Variants in KIAA2012 observed in about 807,000 individuals in gnomAD.
KIAA2012 encodes uncharacterized protein KIAA2012.
KIAA2012 carries 125 observed loss-of-function variants against 150.6 expected under a neutral mutation model. That is an observed-to-expected ratio of 0.83 (90% CI 0.72 to 0.96). The LOEUF (loss-of-function observed/expected upper bound fraction) is 0.96, where lower values mean the gene tolerates loss of function less well. Ranked by LOEUF, KIAA2012 falls within the 40% of genes least tolerant of loss-of-function variation. The pLI, the probability that KIAA2012 is intolerant of heterozygous loss-of-function variation, is 0.00. For missense variants in KIAA2012, 1,219 were observed against 1,354.9 expected, an observed-to-expected ratio of 0.90 and a Z score of 1.57; for synonymous variants, 462 against 504.7, an observed-to-expected ratio of 0.92 and a Z score of 1.13.
At chr2:202,132,982 G>C (rs1690986531) in intron 12 of KIAA2012, among the ~76,000 whole-genome samples, 1 of 142,210 alleles carries the variant, frequency 7.0e-6, no homozygotes, top group Non-Finnish European at 1.5e-5. Flanking sequence ...GCAGGTGCCT[G>C]TAGTCCCAGC....
chr2:202,090,948 G>A lies in KIAA2012; in HGVS notation c.529+19G>A. On this transcript the variant is annotated intron_variant, in intron 3 of 23. Coordinates refer to ENST00000498697, the MANE Select transcript of KIAA2012 (RefSeq NM_001277372.4). ...TGCGCAGGTCAGTGGGGAAATGGGA[G>A]GGGGGCACACCCCAAACTGCCCCAC... The A allele has an allele frequency of 2.6e-6, 4 of 1,528,832 alleles. No homozygotes were observed. The highest frequency in any genetic ancestry group is 2.4e-5 in the South Asian group (2 of 82,030). The allele number at this position is 1,528,832 out of a possible 1,614,324, so 94.7% of individuals were successfully genotyped here.
intron 12 of KIAA2012, among the ~76,000 whole-genome samples, chr2:202,133,130 A>ATATATATTTTTTTTTTTTTTTTTTT (rs1279080237): frequency 1.5e-5 from 1 of 67,774 alleles, no homozygotes; most frequent in Non-Finnish European, 2.9e-5. Context: ...ATATATATAT[A>ATATATATTTTTTTTTTTTTTTTTTT]TTTTTTTTTT....
chr2:202,099,310 AT>A (rs749796598), intron 5 of KIAA2012, among the ~76,000 whole-genome samples: 192 of 152,192 alleles, frequency 1.3e-3, no homozygotes, highest in Non-Finnish European at 2.1e-3. Flanking sequence ...TTCGTAATGG[AT>A]AAAAACACCA....
intron 2 of KIAA2012, among the ~76,000 whole-genome samples, chr2:202,089,226 C>A (rs1689656783): frequency 6.6e-6 from 1 of 152,208 alleles, no homozygotes; most frequent in Non-Finnish European, 1.5e-5. Context: ...AGCCTTTGGT[C>A]TTTTTGTTAC....
At chr2:202,088,200 C>G (rs949594199) in intron 2 of KIAA2012, among the ~76,000 whole-genome samples, 1 of 151,994 alleles carries the variant, frequency 6.6e-6, no homozygotes, top group Admixed American at 6.6e-5. Flanking sequence ...ACCAATTCCC[C>G]ACAGATAACG....
chr2:202,098,805 T>TGTGC lies in KIAA2012; in HGVS notation c.829-805_829-804insCGTG, dbSNP rs1689962437. The stretch of plus-strand genomic sequence containing the variant: ...CTCTAAGGCCGTGTGTGTGTGTGTG[T>TGTGC]GTGTGTGTGTGTGTGCACGCGCGCG... On this transcript the variant is annotated intron_variant, in intron 5 of 23. Coordinates refer to ENST00000498697, the MANE Select transcript of KIAA2012 (RefSeq NM_001277372.4). Among the ~76,000 whole-genome samples, 5 of 147,198 alleles carry TGTGC rather than the reference T, an allele frequency of 3.4e-5. No homozygotes were observed. In the South Asian group the frequency reaches 1.1e-3, roughly 32 times the overall value.
intron 11 of KIAA2012, 143 bp downstream of exon 11, chr2:202,113,589 A>T: frequency 3.3e-6 from 2 of 608,030 alleles, no homozygotes; most frequent in Non-Finnish European, 5.8e-6. Context: ...TCACCGACAC[A>T]GAGGTGCTTC....
intron 2 of KIAA2012, chr2:202,077,184 C>G (rs549474964): frequency 1.3e-5 from 5 of 381,612 alleles, no homozygotes; most frequent in East Asian, 7.3e-5. Flanking sequence ...TGTTGCCCCC[C>G]CAGCTGTTTG....
At chr2:202,156,841 C>T (rs1574296672) in intron 14 of KIAA2012, among the ~76,000 whole-genome samples, 2 of 152,042 alleles carry the variant, frequency 1.3e-5, no homozygotes, top group East Asian at 1.9e-4. Context: ...GCCCAGATCA[C>T]GCCACTGCAC....
At chr2:202,134,604 G>A (rs940055169) in intron 12 of KIAA2012, among the ~76,000 whole-genome samples, 8 of 152,118 alleles carry the variant, frequency 5.3e-5, no homozygotes, top group African/African-American at 1.9e-4. Context: ...GCCCAGGCTG[G>A]AGTGCAATGG....
Position 202,105,755 on chromosome 2 carries a change from T to TG in KIAA2012, c.1325-6_1325-5insG. 6.5e-7 allele frequency: 1 copy of TG among 1,549,572 alleles called. No individual in the cohort carries two copies. Among genetic ancestry groups the TG allele is most frequent in the South Asian group, 1.2e-5 (1 of 83,976 alleles). Reference sequence around the variant, plus strand: ...GCTACAATTCAGCCTCCTCTTTGTCTCCTAGGTGCTCCACACCCTGAGTCA... The same window carrying TG: ...GCTACAATTCAGCCTCCTCTTTGTCTGCCTAGGTGCTCCACACCCTGAGTCA... On this transcript the variant is annotated splice_polypyrimidine_tract_variant and splice_region_variant and intron_variant, in intron 8 of 23. Transcript: ENST00000498697.
intron 13 of KIAA2012, among the ~76,000 whole-genome samples, chr2:202,151,668 A>T (rs1691430356): frequency 6.6e-6 from 1 of 152,238 alleles, no homozygotes. Flanking sequence ...TGTCTGACAC[A>T]TAGTAGGCAC....
At chr2:202,161,514 C>T (rs989115068) in intron 14 of KIAA2012, among the ~76,000 whole-genome samples, 5 of 152,092 alleles carry the variant, frequency 3.3e-5, no homozygotes, top group Non-Finnish European at 7.3e-5. Flanking sequence ...CTAATTTACA[C>T]TGTCCACACA....
At chr2:202,117,990 G>T (rs1690568513) in intron 11 of KIAA2012, among the ~76,000 whole-genome samples, 2 of 151,424 alleles carry the variant, frequency 1.3e-5, no homozygotes, top group African/African-American at 4.9e-5. Flanking sequence ...TCCTAACATG[G>T]CATGTTTCTA....
At chr2:202,186,191 G>T (rs1692223338) in intron 16 of KIAA2012, among the ~76,000 whole-genome samples, 1 of 152,156 alleles carries the variant, frequency 6.6e-6, no homozygotes, top group Non-Finnish European at 1.5e-5. Context: ...TGACCTTTTA[G>T]TGGCTGAATT....
intron 23 of KIAA2012, among the ~76,000 whole-genome samples, chr2:202,204,305 G>C (rs1692595958): frequency 1.3e-5 from 2 of 152,034 alleles, no homozygotes; most frequent in South Asian, 4.2e-4. Flanking sequence ...TCAAAATCCT[G>C]GGCTCGAGTT....
chr2:202,193,132 C>T (rs1692351269), intron 19 of KIAA2012, among the ~76,000 whole-genome samples, 169 bp from the exon 20 acceptor site: 1 of 152,094 alleles, frequency 6.6e-6, no homozygotes, highest in South Asian at 2.1e-4. Context: ...TTAATCAGAC[C>T]CAAAAGTCCA....
At position 202,099,660 on chromosome 2, in the gene KIAA2012, C is replaced by T. The variant is rs532106913; in HGVS notation, c.876C>T (p.Ser292=). Residue 292 remains serine, a synonymous_variant, in exon 6 of 24, where the codon AGC becomes AGT. Coordinates refer to ENST00000498697, the MANE Select transcript of KIAA2012 (RefSeq NM_001277372.4). ...NHLCLYASKE[S]YNEKTQQTSR... Reference sequence around the variant, plus strand: ...TTTGTTTATATGCTTCAAAGGAGAGCTACAATGAAAAGACACAGCAAACCT... The same window carrying T: ...TTTGTTTATATGCTTCAAAGGAGAGTTACAATGAAAAGACACAGCAAACCT... The T allele has an allele frequency of 5.2e-6, 8 of 1,550,352 alleles. No homozygotes were observed. In the African/African-American group the frequency reaches 5.5e-5, roughly 11 times the overall value.
At position 202,143,442 on chromosome 2, in the gene KIAA2012, TA is replaced by T. The variant is rs11442295; in HGVS notation, c.1908+4946del. ...TAAGTCAACTATGACTGCAACTATG[TA>T]AAAAAAAAAAATGTATCTATTCGGA... On this transcript the variant is annotated intron_variant, in intron 13 of 23. Coordinates refer to ENST00000498697, the MANE Select transcript of KIAA2012 (RefSeq NM_001277372.4). Among the ~76,000 whole-genome samples the T allele has an allele frequency of 3.9e-3, 575 of 145,646 alleles. 1 individual carries two copies. The highest frequency in any genetic ancestry group is 0.012 in the African/African-American group (484 of 39,690).
Sources: allele counts gnomAD v4.1 joint callset (sites outside exome capture counted in the v4.1 genomes callset), GRCh38; gene constraint gnomAD v4.1.1; transcripts MANE v1.5; gene names NCBI Gene and HGNC (gene_info 2026-07-23, HGNC 2026-07-21).